The following PRSS12 variants were observed in gnomAD, a reference collection of about 807,000 sequenced individuals.
The protein encoded by PRSS12 is neurotrypsin.
PRSS12 carries 85 observed loss-of-function variants against 104.4 expected under a neutral mutation model. The observed-to-expected ratio is 0.81, with a 90% confidence interval of 0.68 to 0.98. The LOEUF is 0.98. PRSS12 is among the 50% of genes least tolerant of loss of function. The pLI is 0.00. For synonymous variants in PRSS12, 454 were observed against 425.2 expected (o/e 1.07, Z -0.83); for missense variants, 1,141 against 1,139.2 (o/e 1.00, Z -0.02).
chr4:118,340,246 A>G (rs968544758), intron 1 of PRSS12, among the ~76,000 whole-genome samples: 3 of 152,214 alleles, frequency 2.0e-5, no homozygotes, highest in Admixed American at 2.0e-4. Flanking sequence ...CTCCAAGCAC[A>G]CTGTGAAAGC....
intron 7 of PRSS12, among the ~76,000 whole-genome samples, chr4:118,312,391 TACACAC>T (rs1344999779): frequency 6.6e-6 from 1 of 151,756 alleles, no homozygotes; most frequent in African/African-American, 2.4e-5. Context: ...CACATACACA[TACACAC>T]AGATAGATAT....
intron 1 of PRSS12, among the ~76,000 whole-genome samples, chr4:118,343,115 A>G (rs997460887): frequency 3.9e-5 from 6 of 152,170 alleles, no homozygotes; most frequent in Non-Finnish European, 5.9e-5. Flanking sequence ...AAGGCAAGGC[A>G]CAGTGCCTCA....
At chr4:118,321,579 G>C (rs182968899) in intron 4 of PRSS12, among the ~76,000 whole-genome samples, 83 of 152,326 alleles carry the variant, frequency 5.4e-4, no homozygotes, top group Non-Finnish European at 9.4e-4. Flanking sequence ...ATGCAAAGTA[G>C]GAGCTCAATA....
chr4:118,292,647 T>A (rs368117213), intron 11 of PRSS12, among the ~76,000 whole-genome samples: 2 of 152,272 alleles, frequency 1.3e-5, no homozygotes, highest in African/African-American at 4.8e-5. Context: ...ATTAATATGA[T>A]CTTTATTGTT....
intron 3 of PRSS12, 50 bp downstream of exon 3, chr4:118,335,423 G>A (rs771154713): frequency 2.1e-5 from 33 of 1,593,970 alleles, no homozygotes; most frequent in Non-Finnish European, 2.7e-5. Context: ...CTGGAATCAC[G>A]TTTAAAACAT....
intron 4 of PRSS12, among the ~76,000 whole-genome samples, chr4:118,319,487 C>T (rs1320376891): frequency 2.0e-5 from 3 of 152,096 alleles, no homozygotes; most frequent in Admixed American, 6.6e-5. Context: ...CCATAGGGTC[C>T]CATACTAAGG....
chr4:118,332,877 T>C (rs527584000), intron 3 of PRSS12, among the ~76,000 whole-genome samples: 2 of 152,306 alleles, frequency 1.3e-5, no homozygotes, highest in African/African-American at 4.8e-5. Context: ...GTACAAGGTG[T>C]TATGATCAGT....
chr4:118,315,356 A>C (rs1743878333), intron 6 of PRSS12, among the ~76,000 whole-genome samples: 1 of 152,164 alleles, frequency 6.6e-6, no homozygotes, highest in Admixed American at 6.5e-5. Context: ...GTTTTACATT[A>C]CTTTTATAAA....
chr4:118,334,117 A>G (rs1263355853), intron 3 of PRSS12, among the ~76,000 whole-genome samples: 6 of 152,318 alleles, frequency 3.9e-5, no homozygotes, highest in African/African-American at 1.4e-4. Flanking sequence ...ATGTTCGCTG[A>G]TTTCAGCTAT....
Position 118,282,247 on chromosome 4 carries a change from C to G in PRSS12, c.2321-4G>C. On this transcript the variant is annotated splice_polypyrimidine_tract_variant and splice_region_variant and intron_variant, in intron 12 of 12. Coordinates refer to ENST00000296498, the MANE Select transcript of PRSS12 (RefSeq NM_003619.4). ...AGTGTTCTTGAATAGGCTCGTCCTA[C>G]TCAGACCAAACATCTGATTAGTGGC... 1 of 1,614,114 alleles carries G rather than the reference C, an allele frequency of 6.2e-7. No individual in the cohort carries two copies. The highest frequency in any genetic ancestry group is 1.1e-5 in the South Asian group (1 of 91,058).
chr4:118,331,002 A>C (rs1723903656), intron 4 of PRSS12, among the ~76,000 whole-genome samples: 1 of 152,206 alleles, frequency 6.6e-6, no homozygotes, highest in Non-Finnish European at 1.5e-5. Context: ...AAATATTTTT[A>C]AATTCTGTAG....
rs1348778434 is a variant in PRSS12 at position 118,352,220 on chromosome 4, G to T, written c.501C>A (p.His167Gln). ...CGCGGCCGCCCCGAGGCCACTAACC[G>T]TGTCTGCAGTCGCAGTAGCCCCAGT... ...KVDWGYCDCR[H>Q]GSVRLRGGKN... Residue 167 changes from histidine (H) to glutamine (Q), a missense_variant and splice_region_variant, in exon 1 of 13, where the codon CAC (histidine) becomes CAA (glutamine). Transcript: ENST00000296498. 6.2e-7 allele frequency: 1 copy of T among 1,611,684 alleles called. No homozygotes were observed. Among genetic ancestry groups the T allele is most frequent in the African/African-American group, 1.3e-5 (1 of 74,908 alleles).
rs560769826 is a variant in PRSS12, at chr4:118,351,469, C to T, written c.502+750G>A. On this transcript the variant is annotated intron_variant, in intron 1 of 12. Transcript: ENST00000296498. Reference sequence around the variant, plus strand: ...TGCTTTTATTACCACAAACCTAAAACATTTTGCCACCTTTATCTCCTGATG... The same window carrying T: ...TGCTTTTATTACCACAAACCTAAAATATTTTGCCACCTTTATCTCCTGATG... Among the ~76,000 whole-genome samples, 3 of 152,234 alleles carry T rather than the reference C, an allele frequency of 2.0e-5. No individual in the cohort carries two copies. The South Asian group carries it at 6.2e-4, about 32-fold the overall frequency.
intron 7 of PRSS12, among the ~76,000 whole-genome samples, chr4:118,309,546 G>C (rs1046444125): frequency 2.6e-5 from 4 of 152,104 alleles, no homozygotes; most frequent in African/African-American, 9.6e-5. Flanking sequence ...ATTTGATTGT[G>C]GACTCCAACC....
chr4:118,336,590 A>G (rs1724070092), intron 2 of PRSS12, among the ~76,000 whole-genome samples: 1 of 151,968 alleles, frequency 6.6e-6, no homozygotes, highest in African/African-American at 2.4e-5. Context: ...CTACTGAGAG[A>G]TGATACTATA....
At chr4:118,290,244 G>T (rs924751278) in intron 11 of PRSS12, among the ~76,000 whole-genome samples, 5 of 152,030 alleles carry the variant, frequency 3.3e-5, no homozygotes, top group Non-Finnish European at 7.4e-5. Flanking sequence ...ACAAAAAAAA[G>T]AGCCCATCCA....
chr4:118,344,320 A>G (rs1295839046), intron 1 of PRSS12, among the ~76,000 whole-genome samples: 1 of 152,188 alleles, frequency 6.6e-6, no homozygotes, highest in Non-Finnish European at 1.5e-5. Flanking sequence ...CAGTACCTGA[A>G]AACAACTGAA....
In PRSS12 at chr4:118,308,841, T is replaced by C. The variant is rs375364059; in HGVS notation, c.1490-264A>G. 6.6e-5 allele frequency among the ~76,000 whole-genome samples: 10 copies of C among 152,296 alleles called. No individual in the cohort carries two copies. In the East Asian group the frequency reaches 1.7e-3, roughly 26 times the overall value. On this transcript the variant is annotated intron_variant, in intron 7 of 12. Transcript: ENST00000296498. ...TGCCTGGCATACAGAGGATATGCAA[T>C]TGCTGTTTGTTGAATGAATGAACAG...
chr4:118,337,376 A>G (rs1036450863), intron 2 of PRSS12, among the ~76,000 whole-genome samples: 2 of 152,228 alleles, frequency 1.3e-5, no homozygotes, highest in African/African-American at 4.8e-5. Context: ...ACACAAAAAC[A>G]AAAGAATAAG....
Sources: gnomAD v4.1 joint callset for allele counts (sites outside exome capture counted in the v4.1 genomes callset) on GRCh38, gnomAD v4.1.1 for gene constraint, MANE v1.5 for transcripts, NCBI Gene and HGNC (gene_info 2026-07-23, HGNC 2026-07-21) for gene names.